Variants in C6orf132 observed in about 807,000 individuals in gnomAD.
C6orf132 encodes uncharacterized protein C6orf132.
C6orf132 carries 43 observed loss-of-function variants against 65.3 expected under a neutral mutation model. That is an observed-to-expected ratio of 0.66 (90% confidence interval 0.52 to 0.85). C6orf132 has a LOEUF of 0.85. C6orf132 is among the 40% of genes least tolerant of loss of function. The pLI is 0.00. For synonymous variants in C6orf132, 631 were observed against 654.1 expected, an observed-to-expected ratio of 0.96 and a Z score of 0.54; for missense variants, 1,488 against 1,548.8, an observed-to-expected ratio of 0.96 and a Z score of 0.66.
At chr6:42,139,856 C>T (rs900628819) in intron 1 of C6orf132, among the ~76,000 whole-genome samples, 2 of 152,136 alleles carry the variant, frequency 1.3e-5, no homozygotes, top group African/African-American at 2.4e-5. Context: ...CCATAAATAC[C>T]GCTTCAGGCA....
In C6orf132 at chr6:42,103,298, CCAGA is replaced by C; in HGVS notation, c.*459_*462del. On this transcript the variant is annotated 3_prime_UTR_variant, in exon 5 of 5. Transcript: ENST00000341865. ...CTCCCTTCGGTGCCCTGCACACCCA[CCAGA>C]CAGAGCTGGGCCTCAGCCCTTTGCA... is the stretch of plus-strand genomic sequence containing the variant. 8.1e-6 allele frequency: 3 copies of C among 368,734 alleles called. No homozygotes were observed. The highest frequency in any genetic ancestry group is 1.4e-5 in the Non-Finnish European group (3 of 219,080). 22.8% of individuals were successfully genotyped at this position (368,734 alleles called of 1,614,324 possible).
At chr6:42,132,576 G>A (rs1187321237) in intron 1 of C6orf132, among the ~76,000 whole-genome samples, 2 of 150,770 alleles carry the variant, frequency 1.3e-5, no homozygotes, top group African/African-American at 4.9e-5. Context: ...GGGGCTGGGC[G>A]CGGTGGCTCA....
At chr6:42,108,900 G>C (rs1332908708) in intron 3 of C6orf132, among the ~76,000 whole-genome samples, 1 of 152,154 alleles carries the variant, frequency 6.6e-6, no homozygotes, top group East Asian at 1.9e-4. Context: ...AAGAAACCAA[G>C]AGTGGGGAAG....
At chr6:42,108,219 G>GTGACCTTGAACACACTAAT (rs1398062303) in intron 3 of C6orf132, among the ~76,000 whole-genome samples, 26 of 152,186 alleles carry the variant, frequency 1.7e-4, no homozygotes, top group African/African-American at 6.3e-4. Flanking sequence ...TATTAGATGA[G>GTGACCTTGAACACACTAAT]TGACCTTGAA....
Position 42,104,316 on chromosome 6 carries a change from G to GT in C6orf132, c.3449+146dup. On this transcript the variant is annotated intron_variant, in intron 4 of 4. Transcript: ENST00000341865. The surrounding 1 kb of genome is among the most constrained non-coding windows in gnomAD (Gnocchi z 4.1). ...AAGGCGCCAACAGCGCCCTCTCCCG[G>GT]TAAGTGGGCCTCCCTCCCGCGTTCT... 8.3e-7 allele frequency: 1 copy of GT among 1,206,676 alleles called. No homozygotes were observed. The highest frequency in any genetic ancestry group is 1.0e-6 in the Non-Finnish European group (1 of 967,640). The allele number at this position is 1,206,676 out of a possible 1,614,324, so 74.7% of individuals were successfully genotyped here.
intron 2 of C6orf132, among the ~76,000 whole-genome samples, chr6:42,114,687 G>A (rs891704469): frequency 3.9e-5 from 6 of 152,106 alleles, no homozygotes; most frequent in African/African-American, 1.2e-4. Context: ...TCACCTCAGA[G>A]AACAAAGGAA....
intron 1 of C6orf132, among the ~76,000 whole-genome samples, chr6:42,137,974 C>A (rs1766973711): frequency 6.6e-6 from 1 of 152,180 alleles, no homozygotes. Flanking sequence ...AGCAGAATCG[C>A]TTGAACCCGG....
chr6:42,105,194 G>A lies in C6orf132; in HGVS notation c.2718C>T (p.Ser906=). The change falls in exon 4 of 5, where the codon TCC becomes TCT. Residue 906 remains serine (S), a synonymous_variant. Transcript: ENST00000341865. ...PKLPKEAEKD[S]PLTTEIPNKW... ...TATTGGGTATTTCGGTCGTCAGCGG[G>A]GAGTCCTTCTCAGCCTCCTTGGGTA... is the stretch of plus-strand genomic sequence containing the variant. 1.3e-6 allele frequency: 2 copies of A among 1,537,154 alleles called. No homozygotes were observed.
At chr6:42,139,262 T>G (rs909428905) in intron 1 of C6orf132, among the ~76,000 whole-genome samples, 2 of 152,152 alleles carry the variant, frequency 1.3e-5, no homozygotes, top group African/African-American at 4.8e-5. Flanking sequence ...CTAATCCCAC[T>G]CTCTCTGAGA....
Position 42,105,634 on chromosome 6 carries a change from G to A in C6orf132, c.2278C>T (p.Pro760Ser), listed in dbSNP as rs1348047649. ...AGACATGGCACCTCTCCTCCACCAG[G>A]AGATGTCTTTGGTGGGAAGGCTGCA... ...SSAAFPPKTS[P>S]GGGEVPCLYK... The change falls in exon 4 of 5, where the codon CCT (proline) becomes TCT (serine). Residue 760 changes from proline to serine, a missense_variant. Physicochemically the swap from Pro to Ser is moderately conservative, Grantham distance 74. Coordinates refer to ENST00000341865, the MANE Select transcript of C6orf132 (RefSeq NM_001164446.3). The A allele has an allele frequency of 8.5e-6, 13 of 1,537,068 alleles. No individual in the cohort carries two copies. The highest frequency in any genetic ancestry group is 1.0e-5 in the Non-Finnish European group (12 of 1,146,928).
chr6:42,112,284 G>C (rs1766508477), intron 2 of C6orf132, among the ~76,000 whole-genome samples: 1 of 152,132 alleles, frequency 6.6e-6, no homozygotes, highest in Non-Finnish European at 1.5e-5. Context: ...ACCAAACCCA[G>C]GTCTGTGGAG....
chr6:42,119,103 G>A (rs921606903), intron 2 of C6orf132, among the ~76,000 whole-genome samples: 10 of 148,242 alleles, frequency 6.7e-5, no homozygotes, highest in Non-Finnish European at 1.3e-4. Context: ...AAATAGGCAG[G>A]TGTGGGGCAG....
In C6orf132 at chr6:42,142,527, C is replaced by T. The variant is rs1013116127; in HGVS notation, c.-83G>A. Reference sequence around the variant, plus strand: ...CCCCGGACTGAACTCAGCACGGTCTCCCCAGGGGACTCTACCAGGCCATGT... The same window carrying T: ...CCCCGGACTGAACTCAGCACGGTCTTCCCAGGGGACTCTACCAGGCCATGT... On this transcript the variant is annotated 5_prime_UTR_variant, in exon 1 of 5. Coordinates refer to ENST00000341865, the MANE Select transcript of C6orf132 (RefSeq NM_001164446.3). 1 of 1,417,700 alleles carries T rather than the reference C, an allele frequency of 7.1e-7. No individual in the cohort carries two copies. Among genetic ancestry groups the T allele is most frequent in the Admixed American group, 2.2e-5 (1 of 45,100 alleles). 87.8% of individuals were successfully genotyped at this position (1,417,700 alleles called of 1,614,324 possible). A position where few individuals can be genotyped will look rare whatever the true frequency, so the allele number is the denominator to read the frequency against.
rs549733469 is a variant in C6orf132, at chr6:42,124,128, G to A, written c.252+4544C>T. Among the ~76,000 whole-genome samples, 1 of 152,342 alleles carries A rather than the reference G, an allele frequency of 6.6e-6. No individual in the cohort carries two copies. Among genetic ancestry groups the A allele is most frequent in the East Asian group, 1.9e-4 (1 of 5,184 alleles). Reference sequence around the variant, plus strand: ...TGTTGGGTGAGGAGCCAGAGGCCCAGGGAGAGGAAGGGACTGGCCTGCAGC... The same window carrying A: ...TGTTGGGTGAGGAGCCAGAGGCCCAAGGAGAGGAAGGGACTGGCCTGCAGC... On this transcript the variant is annotated intron_variant, in intron 2 of 4. Coordinates refer to ENST00000341865, the MANE Select transcript of C6orf132 (RefSeq NM_001164446.3). The surrounding 1 kb of genome is among the most constrained non-coding windows in gnomAD (Gnocchi z 4.0).
In C6orf132 at chr6:42,110,289, A is replaced by C. The variant is rs1292216134; in HGVS notation, c.255T>G (p.Asn85Lys). Reference protein sequence around the residue: ...VRPLLTFLPLNAQENHGLAVP... With the variant: ...VRPLLTFLPLKAQENHGLAVP... The stretch of plus-strand genomic sequence containing the variant: ...CAGCCAGCCCATGGTTTTCCTGGGC[A>C]TTCTGAAAGAGACCAGAAAGAAATC... Residue 85 changes from asparagine (N) to lysine (K), a missense_variant and splice_region_variant, in exon 3 of 5, where the codon AAT (asparagine) becomes AAG (lysine). Coordinates refer to ENST00000341865, the MANE Select transcript of C6orf132 (RefSeq NM_001164446.3). The C allele has an allele frequency of 6.5e-7, 1 of 1,546,474 alleles. No individual in the cohort carries two copies. Among genetic ancestry groups the C allele is most frequent in the African/African-American group, 1.4e-5 (1 of 72,730 alleles).
At chr6:42,109,597 G>T (rs556025635) in intron 3 of C6orf132, among the ~76,000 whole-genome samples, 1 of 152,238 alleles carries the variant, frequency 6.6e-6, no homozygotes, top group Admixed American at 6.5e-5. Flanking sequence ...GCGGAAATGT[G>T]CCTGGGGTAT....
chr6:42,103,753 C>A lies in C6orf132; in HGVS notation c.*8G>T, dbSNP rs1467823243. ...GTTTGTTGGAGTAGAGCTAAGAGAA[C>A]CCCTGGCTCAGGAGGTGGCTTTCCG... On this transcript the variant is annotated 3_prime_UTR_variant, in exon 5 of 5. Coordinates refer to ENST00000341865, the MANE Select transcript of C6orf132 (RefSeq NM_001164446.3). 7.2e-7 allele frequency: 1 copy of A among 1,389,036 alleles called. No homozygotes were observed. Among genetic ancestry groups the A allele is most frequent in the Non-Finnish European group, 9.4e-7 (1 of 1,067,952 alleles). 86.0% of individuals were successfully genotyped at this position (1,389,036 alleles called of 1,614,324 possible). A position where few individuals can be genotyped will look rare whatever the true frequency, so the allele number is the denominator to read the frequency against.
At chr6:42,136,287 G>A (rs542530948) in intron 1 of C6orf132, among the ~76,000 whole-genome samples, 1 of 152,094 alleles carries the variant, frequency 6.6e-6, no homozygotes, top group South Asian at 2.1e-4. Flanking sequence ...TTCCCCACCT[G>A]TAAAATGAGG....
chr6:42,103,949 G>C (rs1334979868), intron 4 of C6orf132, 71 bp from the exon 5 acceptor site: 1 of 1,052,624 alleles, frequency 9.5e-7, no homozygotes, highest in Non-Finnish European at 1.3e-6. Flanking sequence ...ATCTCCCCGA[G>C]GGACCGAGAG....
Sources: allele counts gnomAD v4.1 joint callset (sites outside exome capture counted in the v4.1 genomes callset), GRCh38; gene constraint gnomAD v4.1.1; non-coding constraint Gnocchi (gnomAD v3.1); transcripts MANE v1.5; gene names NCBI Gene and HGNC (gene_info 2026-07-23, HGNC 2026-07-21).